DCC: variants seen among roughly 807,000 people sequenced by gnomAD.
DCC encodes the protein DCC netrin 1 receptor.
In DCC, 58 loss-of-function variants were observed where a neutral mutation model predicts 172.5. That is an observed-to-expected ratio of 0.34 (90% CI 0.27 to 0.42). DCC has a LOEUF of 0.42. Ranked by LOEUF, DCC falls within the 10% of genes least tolerant of loss-of-function variation. DCC has a pLI of 1.00. For missense variants in DCC, 1,740 were observed against 1,791.0 expected (o/e 0.97, Z 0.51); for synonymous variants, 709 against 644.5 (o/e 1.10, Z -1.52).
At chr18:53,358,602 C>T (rs1568080418) in intron 15 of DCC, among the ~76,000 whole-genome samples, 2 of 135,326 alleles carry the variant, frequency 1.5e-5, no homozygotes, top group Admixed American at 1.6e-4. Context: ...CTCACTGCAA[C>T]CTCTGCCTTC....
intron 9 of DCC, among the ~76,000 whole-genome samples, chr18:53,188,233 G>A (rs565457890): frequency 2.0e-5 from 3 of 152,262 alleles, no homozygotes; most frequent in Non-Finnish European, 2.9e-5. Context: ...CATAGAATAC[G>A]TCAGTGCATT....
At chr18:52,929,972 A>G (rs1478716214) in intron 5 of DCC, among the ~76,000 whole-genome samples, 2 of 151,788 alleles carry the variant, frequency 1.3e-5, no homozygotes, top group African/African-American at 4.8e-5. Context: ...GCACATGTCT[A>G]TCTTCTCCAG....
intron 26 of DCC, among the ~76,000 whole-genome samples, chr18:53,487,853 A>C (rs1296055057): frequency 6.6e-6 from 1 of 152,154 alleles, no homozygotes; most frequent in East Asian, 1.9e-4. Flanking sequence ...ACTCGAGGAA[A>C]AATAGTTGCC....
chr18:53,108,892 C>A (rs1410914345), intron 7 of DCC, among the ~76,000 whole-genome samples: 3 of 151,268 alleles, frequency 2.0e-5, no homozygotes, highest in Non-Finnish European at 3.0e-5. Context: ...CATGCTTGGA[C>A]ATGGCTTTCC....
At chr18:52,866,583 CCTT>C (rs1480913237) in intron 2 of DCC, among the ~76,000 whole-genome samples, 1 of 152,102 alleles carries the variant, frequency 6.6e-6, no homozygotes, top group Non-Finnish European at 1.5e-5. Context: ...TTGTAGTCCT[CCTT>C]GAAGAGGTCC....
intron 1 of DCC, among the ~76,000 whole-genome samples, chr18:52,663,397 C>CA (rs2144952428): frequency 6.6e-6 from 1 of 152,212 alleles, no homozygotes; most frequent in East Asian, 1.9e-4. Context: ...AGCTGAGTGG[C>CA]AGTTTGCTGA....
At chr18:52,822,216 GC>G (rs748859574) in intron 2 of DCC, among the ~76,000 whole-genome samples, 1 of 149,092 alleles carries the variant, frequency 6.7e-6, no homozygotes, top group Non-Finnish European at 1.5e-5. Flanking sequence ...GAAACTATGA[GC>G]AAAAAAGTGT....
At chr18:52,524,823 A>T (rs77825296) in intron 1 of DCC, among the ~76,000 whole-genome samples, 2 of 152,124 alleles carry the variant, frequency 1.3e-5, no homozygotes. Context: ...TCTATATCAG[A>T]TAGCATATAA....
intron 2 of DCC, among the ~76,000 whole-genome samples, chr18:52,768,387 G>C (rs1814960940): frequency 6.6e-6 from 1 of 152,146 alleles, no homozygotes. Context: ...TCGCCAATGG[G>C]GGAAGAATCT....
chr18:52,766,549 A>G (rs185153084), intron 2 of DCC, among the ~76,000 whole-genome samples: 1 of 152,028 alleles, frequency 6.6e-6, no homozygotes. Context: ...AGAAGCTGAA[A>G]AGAGTACAGT....
intron 7 of DCC, among the ~76,000 whole-genome samples, chr18:53,136,226 C>T (rs2043740348): frequency 9.0e-6 from 1 of 111,376 alleles, no homozygotes; most frequent in African/African-American, 2.8e-5. Context: ...TATATACACA[C>T]ACACACACAT....
chr18:52,547,184 A>G (rs1369441768), intron 1 of DCC, among the ~76,000 whole-genome samples: 1 of 152,186 alleles, frequency 6.6e-6, no homozygotes, highest in African/African-American at 2.4e-5. Flanking sequence ...AAGACATCCA[A>G]TTGCAGGCAC....
intron 1 of DCC, among the ~76,000 whole-genome samples, chr18:52,508,649 T>C (rs1438434058): frequency 2.0e-5 from 3 of 152,218 alleles, no homozygotes; most frequent in African/African-American, 7.2e-5. Flanking sequence ...AGAAATGATA[T>C]CATTGAAAAC....
In DCC at chr18:53,205,106, T is replaced by C. The variant is rs1299740327; in HGVS notation, c.1574-110T>C. 3.7e-6 allele frequency: 3 copies of C among 816,604 alleles called. No individual in the cohort carries two copies. The African/African-American group carries it at 5.1e-5, about 14-fold the overall frequency. The allele number at this position is 816,604 out of a possible 1,614,324, so 50.6% of individuals were successfully genotyped here. A position where few individuals can be genotyped will look rare whatever the true frequency, so the allele number is the denominator to read the frequency against. ...TTATTCCATATTATTCTAAAATACA[T>C]ACTCCTAGAATTTTATTGAACTGTA... On this transcript the variant is annotated intron_variant, in intron 9 of 28. Transcript: ENST00000442544.
At chr18:52,571,640 A>T (rs2033294868) in intron 1 of DCC, among the ~76,000 whole-genome samples, 1 of 152,088 alleles carries the variant, frequency 6.6e-6, no homozygotes, top group Non-Finnish European at 1.5e-5. Flanking sequence ...TGCACCCCTC[A>T]TTACTACCTT....
At chr18:53,415,808 A>C (rs1254651799) in intron 20 of DCC, among the ~76,000 whole-genome samples, 1 of 80,282 alleles carries the variant, frequency 1.2e-5, no homozygotes, top group Non-Finnish European at 4.2e-5. Flanking sequence ...TGGTAATTGC[A>C]TGCAGTTTTT....
At chr18:52,362,905 C>T (rs1984683663) in intron 1 of DCC, among the ~76,000 whole-genome samples, 1 of 151,958 alleles carries the variant, frequency 6.6e-6, no homozygotes, top group African/African-American at 2.4e-5. Context: ...TCCTTCTTTC[C>T]TTTCTTTCTT....
chr18:53,455,928 C>T (rs542426103), intron 23 of DCC, among the ~76,000 whole-genome samples: 2 of 152,316 alleles, frequency 1.3e-5, no homozygotes, highest in South Asian at 4.1e-4. Flanking sequence ...CATAGTCAAT[C>T]ATCCATAAAT....
chr18:52,514,664 C>G (rs1012633858), intron 1 of DCC, among the ~76,000 whole-genome samples: 16 of 152,164 alleles, frequency 1.1e-4, no homozygotes, highest in Non-Finnish European at 1.5e-5. Flanking sequence ...GGTATGTTAT[C>G]AACTGAGTAT....
Sources: allele counts gnomAD v4.1 joint callset (sites outside exome capture counted in the v4.1 genomes callset), GRCh38; gene constraint gnomAD v4.1.1; transcripts MANE v1.5; gene names NCBI Gene and HGNC (gene_info 2026-07-23, HGNC 2026-07-21).